The following SCAND1 variants were observed in gnomAD, a reference collection of about 807,000 sequenced individuals.
The protein encoded by SCAND1 is SCAN domain containing 1.
A neutral mutation model predicts 3.4 loss-of-function variants in SCAND1; 3 were observed. The observed-to-expected ratio is 0.87, with a 90% CI of 0.40 to 2.25. The LOEUF (loss-of-function observed/expected upper bound fraction) is 2.25, where lower values mean the gene tolerates loss of function less well. Among genes scored for constraint, SCAND1 ranks in the 30% most tolerant of loss-of-function variants. The probability of loss-of-function intolerance (pLI) is 0.05; values close to 1 mark genes in which losing one functional copy is unlikely to be tolerated. For synonymous variants in SCAND1, 152 were observed against 120.5 expected (o/e 1.26, Z -1.72); for missense variants, 303 against 258.8 (o/e 1.17, Z -1.17).
At chr20:35,956,096 G>A (rs1161022175), upstream of SCAND1, among the ~76,000 whole-genome samples, 5 of 152,190 alleles carry the variant, frequency 3.3e-5, no homozygotes, top group African/African-American at 7.2e-5. Flanking sequence ...CATATGAAAG[G>A]TTTTCTATGA....
chr20:35,954,454 C>T lies in SCAND1; in HGVS notation c.-62G>A, dbSNP rs992274724. The T allele has an allele frequency of 2.3e-5, 36 of 1,548,792 alleles. No individual in the cohort carries two copies. In the African/African-American group the frequency reaches 4.2e-4, roughly 18 times the overall value. ...GAGAGTGTGCGGAGCTTACCTGCACCAGCGAAGCGCCTGCGGCAGCCGGAA... is the reference window on the plus strand; with the variant it reads ...GAGAGTGTGCGGAGCTTACCTGCACTAGCGAAGCGCCTGCGGCAGCCGGAA... On this transcript the variant is annotated 5_prime_UTR_variant, in exon 1 of 2. Coordinates refer to ENST00000305978, the MANE Select transcript of SCAND1 (RefSeq NM_033630.3).
chr20:35,959,029 A>G (rs535921136), upstream of SCAND1: 1 of 152,246 alleles, frequency 6.6e-6, no homozygotes, highest in East Asian at 1.9e-4. Flanking sequence ...CCATTGAAGG[A>G]CATTTGGGTT....
At chr20:35,959,396 A>G (rs1461028099), upstream of SCAND1, 1 of 152,314 alleles carries the variant, frequency 6.6e-6, no homozygotes, top group Non-Finnish European at 1.5e-5. Flanking sequence ...TAAAGGAAAG[A>G]CGTTTAATGA....
rs377105045 is a variant in SCAND1, at chr20:35,954,071, G to C, written c.214C>G (p.Leu72Val). 6.5e-7 allele frequency: 1 copy of C among 1,536,946 alleles called. No homozygotes were observed. The highest frequency in any genetic ancestry group is 8.8e-7 in the Non-Finnish European group (1 of 1,138,616). The change falls in exon 2 of 2, where the codon CTG becomes GTG. Residue 72 changes from leucine to valine, a missense_variant. Leu to Val is a conservative substitution (Grantham distance 32). Transcript: ENST00000305978. ...GGTGCGGGCCCGAGAGGCAGCTCCA[G>C]GGCCGCGGAGGCCGCAGCTCGGGGC... ...PTPRAAASAA[L>V]ELPLGPAPVS...
At position 35,953,796 on chromosome 20, in the gene SCAND1, C is replaced by A; in HGVS notation, c.489G>T (p.Ala163=). The A allele has an allele frequency of 6.6e-7, 1 of 1,521,700 alleles. No individual in the cohort carries two copies. The highest frequency in any genetic ancestry group is 8.8e-7 in the Non-Finnish European group (1 of 1,136,900). The allele number at this position is 1,521,700 out of a possible 1,614,324, so 94.3% of individuals were successfully genotyped here. ...QEQLLAILPE[A]ARARRIRRRT... is the part of the protein sequence containing the mutation. ...GGCGGCGGATCCGCCGGGCCCGAGC[C>A]GCCTCGGGCAGGATGGCGAGCAGCT... The change falls in exon 2 of 2, where the codon GCG becomes GCT. Residue 163 remains alanine (A), a synonymous_variant. Transcript: ENST00000305978.
At chr20:35,954,738 C>A (rs2056233505), upstream of SCAND1, 2 of 805,484 alleles carry the variant, frequency 2.5e-6, no homozygotes, top group South Asian at 3.5e-5. Context: ...TATCCGTGCG[C>A]CGCTTCGGTT....
At chr20:35,954,686 A>C, upstream of SCAND1, 1 of 1,167,258 alleles carries the variant, frequency 8.6e-7, no homozygotes, top group African/African-American at 1.6e-5. Context: ...GAGTCGGAGG[A>C]GGAGCCTGAA....
rs763509934 is a variant in SCAND1 at position 35,954,179 on chromosome 20, C to T, written c.106G>A (p.Val36Met). The T allele has an allele frequency of 1.2e-6, 2 of 1,610,326 alleles. No homozygotes were observed. Among genetic ancestry groups the T allele is most frequent in the Admixed American group, 1.7e-5 (1 of 59,834 alleles). The change falls in exon 2 of 2, where the codon GTG becomes ATG. Residue 36 changes from valine (V) to methionine (M), a missense_variant. Physicochemically the swap from Val to Met is conservative, Grantham distance 21. Transcript: ENST00000305978. ...GSSSAPERNC[V>M]GSSLPEASPP... ...GAGGCCTCTGGCAGCGAGGAGCCCA[C>T]ACAGTTACGCTCAGGGGCTGAGCTC...
rs1162060527 is a variant in SCAND1, at chr20:35,954,085, G to A, written c.200C>T (p.Ala67Val). The change falls in exon 2 of 2, where the codon GCG (alanine) becomes GTG (valine). Residue 67 changes from alanine (A) to valine (V), a missense_variant. By Grantham distance (64) the Ala-to-Val change is moderately conservative (BLOSUM62 0). Coordinates refer to ENST00000305978, the MANE Select transcript of SCAND1 (RefSeq NM_033630.3). ...VPEAIPTPRA[A>V]ASAALELPLG... The stretch of plus-strand genomic sequence containing the variant: ...AGGCAGCTCCAGGGCCGCGGAGGCC[G>A]CAGCTCGGGGCGTAGGGATGGCTTC... The A allele has an allele frequency of 3.9e-6, 6 of 1,536,062 alleles. No homozygotes were observed. Among genetic ancestry groups the A allele is most frequent in the Admixed American group, 2.0e-5 (1 of 50,306 alleles).
In SCAND1 at chr20:35,954,494, C is replaced by A. The variant is rs1429339385; in HGVS notation, c.-102G>T. The A allele has an allele frequency of 6.5e-7, 1 of 1,542,392 alleles. No homozygotes were observed. Among genetic ancestry groups the A allele is most frequent in the Non-Finnish European group, 8.8e-7 (1 of 1,142,832 alleles). On this transcript the variant is annotated 5_prime_UTR_variant, in exon 1 of 2. Transcript: ENST00000305978. ...GGCAGCCGGAAGCGAAAGTCTCTGGCTTCTCTGCGTCCAGGTCGGCGCGCG... is the reference window on the plus strand; with the variant it reads ...GGCAGCCGGAAGCGAAAGTCTCTGGATTCTCTGCGTCCAGGTCGGCGCGCG...
chr20:35,956,929 G>A (rs2056262274), upstream of SCAND1, among the ~76,000 whole-genome samples: 1 of 152,240 alleles, frequency 6.6e-6, no homozygotes, highest in Non-Finnish European at 1.5e-5. Context: ...AAGTGGTTGG[G>A]ATCTGGAGAA....
At chr20:35,957,272 G>A (rs1474512501), upstream of SCAND1, among the ~76,000 whole-genome samples, 2 of 152,122 alleles carry the variant, frequency 1.3e-5, no homozygotes, top group Non-Finnish European at 2.9e-5. Context: ...ATAATGTGGA[G>A]GGAATAAATG....
At chr20:35,956,545 C>T (rs752004930), upstream of SCAND1, among the ~76,000 whole-genome samples, 3 of 152,140 alleles carry the variant, frequency 2.0e-5, no homozygotes, top group Admixed American at 6.5e-5. Context: ...CAGGTTGTTG[C>T]TTTATTTAGA....
At chr20:35,954,816 C>T (rs2056235378), upstream of SCAND1, 7 of 341,708 alleles carry the variant, frequency 2.0e-5, no homozygotes, top group South Asian at 1.7e-4. Flanking sequence ...CTGATGGCCC[C>T]TCCTTCGGGA....
intron 1 of SCAND1, 28 bp downstream of exon 1, chr20:35,954,420 G>C: frequency 6.4e-7 from 1 of 1,551,588 alleles, no homozygotes; most frequent in Non-Finnish European, 8.7e-7. Flanking sequence ...GTCGGACTCG[G>C]GACCGGCCGA....
At chr20:35,956,911 A>C (rs1600997525), upstream of SCAND1, among the ~76,000 whole-genome samples, 1 of 152,212 alleles carries the variant, frequency 6.6e-6, no homozygotes, top group African/African-American at 2.4e-5. Context: ...ACTGCAGGCT[A>C]TATGGGAAAG....
Position 35,953,893 on chromosome 20 carries a change from T to C in SCAND1, c.392A>G (p.Glu131Gly). Reference sequence around the variant, plus strand: ...AGGCCGCAGCCACTGGCGGGACAGCTCCCGCAGCTGCCGGAAAGCCTCCCG... The same window carrying C: ...AGGCCGCAGCCACTGGCGGGACAGCCCCCGCAGCTGCCGGAAAGCCTCCCG... ...GPREAFRQLR[E>G]LSRQWLRPDI... Residue 131 changes from glutamate (E) to glycine (G), a missense_variant, in exon 2 of 2, where the codon GAG (glutamate) becomes GGG (glycine). Glu to Gly is a moderately conservative substitution (Grantham distance 98, BLOSUM62 -2). Transcript: ENST00000305978. 1 of 1,561,816 alleles carries C rather than the reference T, an allele frequency of 6.4e-7. No individual in the cohort carries two copies. Among genetic ancestry groups the C allele is most frequent in the Non-Finnish European group, 8.6e-7 (1 of 1,156,264 alleles).
rs1456311585 is a variant in SCAND1, at chr20:35,954,499, C to G, written c.-107G>C. ...CCGGAAGCGAAAGTCTCTGGCTTCT[C>G]TGCGTCCAGGTCGGCGCGCGAGCAC... On this transcript the variant is annotated 5_prime_UTR_variant, in exon 1 of 2. Coordinates refer to ENST00000305978, the MANE Select transcript of SCAND1 (RefSeq NM_033630.3). The G allele has an allele frequency of 3.9e-6, 6 of 1,540,324 alleles. No homozygotes were observed. Among genetic ancestry groups the G allele is most frequent in the Non-Finnish European group, 5.3e-6 (6 of 1,141,658 alleles).
Position 35,954,183 on chromosome 20 carries a change from G to T in SCAND1, c.102C>A (p.Asn34Lys). 1 of 1,610,836 alleles carries T rather than the reference G, an allele frequency of 6.2e-7. No homozygotes were observed. Among genetic ancestry groups the T allele is most frequent in the South Asian group, 1.1e-5 (1 of 90,788 alleles). ...CCTCTGGCAGCGAGGAGCCCACACA[G>T]TTACGCTCAGGGGCTGAGCTCGAAC... is the stretch of plus-strand genomic sequence containing the variant. Reference protein sequence around the residue: ...GAGSSSAPERNCVGSSLPEAS... With the variant: ...GAGSSSAPERKCVGSSLPEAS... Residue 34 changes from asparagine (N) to lysine (K), a missense_variant, in exon 2 of 2, where the codon AAC (asparagine) becomes AAA (lysine). Transcript: ENST00000305978.
Sources: allele counts gnomAD v4.1 joint callset (sites outside exome capture counted in the v4.1 genomes callset), GRCh38; gene constraint gnomAD v4.1.1; transcripts MANE v1.5; gene names NCBI Gene and HGNC (gene_info 2026-07-23, HGNC 2026-07-21).